The following FREM2 variants were observed in gnomAD, a reference collection of about 807,000 sequenced individuals.
FREM2 encodes the protein FRAS1 related extracellular matrix 2, also known as FRAS1-related extracellular matrix protein 2.
A neutral mutation model predicts 219.9 loss-of-function variants in FREM2; 119 were observed. The observed-to-expected ratio is 0.54, with a 90% CI of 0.47 to 0.63. The LOEUF (loss-of-function observed/expected upper bound fraction) is 0.63. Ranked by LOEUF, FREM2 falls within the 30% of genes least tolerant of loss-of-function variation. The pLI, the probability that FREM2 is intolerant of heterozygous loss-of-function variation, is 0.00. For missense variants in FREM2, 4,030 were observed against 3,993.6 expected (o/e 1.01, Z -0.25); for synonymous variants, 1,562 against 1,522.8 (o/e 1.03, Z -0.60).
intron 3 of FREM2, among the ~76,000 whole-genome samples, chr13:38,765,162 G>A (rs1873386788): frequency 1.3e-5 from 2 of 152,034 alleles, no homozygotes; most frequent in South Asian, 4.2e-4. Context: ...TGCCCACCTC[G>A]GCCTCCCAAA....
intron 6 of FREM2, among the ~76,000 whole-genome samples, chr13:38,792,995 C>G (rs1874625015): frequency 6.6e-6 from 1 of 152,116 alleles, no homozygotes; most frequent in South Asian, 2.1e-4. Flanking sequence ...AAAGAAGAAA[C>G]CTGCCACTTG....
intron 4 of FREM2, among the ~76,000 whole-genome samples, chr13:38,781,341 C>CT (rs797016297): frequency 9.2e-5 from 14 of 151,478 alleles, no homozygotes; most frequent in Admixed American, 3.3e-4. Context: ...CTACCAGAGA[C>CT]TTTTTTTTTC....
At chr13:38,834,637 G>A (rs942967537) in intron 6 of FREM2, among the ~76,000 whole-genome samples, 4 of 152,032 alleles carry the variant, frequency 2.6e-5, no homozygotes, top group Admixed American at 6.6e-5. Context: ...TTTAATGATC[G>A]CCATTCTAAC....
chr13:38,789,109 A>G (rs1566142864), intron 6 of FREM2, among the ~76,000 whole-genome samples: 1 of 151,966 alleles, frequency 6.6e-6, no homozygotes. Context: ...TTTTAGAATC[A>G]AGTTTATAAT....
intron 2 of FREM2, among the ~76,000 whole-genome samples, chr13:38,743,584 G>C (rs2137783572): frequency 1.3e-5 from 2 of 152,264 alleles, no homozygotes; most frequent in South Asian, 4.1e-4. Flanking sequence ...AGGCTATTTA[G>C]CGCAAGTACA....
chr13:38,691,376 T>A lies in FREM2; in HGVS notation c.4032T>A (p.Arg1344=), dbSNP rs1199189491. 6.2e-7 allele frequency: 1 copy of A among 1,613,934 alleles called. No homozygotes were observed. The highest frequency in any genetic ancestry group is 8.5e-7 in the Non-Finnish European group (1 of 1,179,928). Residue 1344 remains arginine, a synonymous_variant, in exon 1 of 24, where the codon CGT becomes CGA. Transcript: ENST00000280481. ...SEDKSLVYII[R]YGPGHGLLQR... ...ACAAATCTTTGGTTTATATTATTCGTTATGGGCCAGGACATGGCTTATTAC... is the reference window on the plus strand; with the variant it reads ...ACAAATCTTTGGTTTATATTATTCGATATGGGCCAGGACATGGCTTATTAC...
At chr13:38,762,390 G>A (rs182686812) in intron 2 of FREM2, among the ~76,000 whole-genome samples, 85 of 152,208 alleles carry the variant, frequency 5.6e-4, no homozygotes, top group Non-Finnish European at 1.0e-3. Context: ...CGCAAAATGT[G>A]GAATGAGTTT....
intron 6 of FREM2, among the ~76,000 whole-genome samples, chr13:38,786,140 A>G (rs906643705): frequency 1.3e-5 from 2 of 152,164 alleles, no homozygotes; most frequent in Admixed American, 1.3e-4. Flanking sequence ...AGTGGTATAG[A>G]AAACCAGAGC....
At chr13:38,820,284 G>C (rs780767916) in intron 6 of FREM2, among the ~76,000 whole-genome samples, 12 of 152,064 alleles carry the variant, frequency 7.9e-5, no homozygotes, top group Non-Finnish European at 1.2e-4. Context: ...ATATTGTCTT[G>C]AGTTTGTTTT....
In FREM2 at chr13:38,864,372, C is replaced by G; in HGVS notation, c.7749C>G (p.Leu2583=). ...TTGGAAACCACAAGTGCTCCAACCT[C>G]CTGGATTATACTGAAGTGAAGACTC... ...TRVGNHKCSN[L]LDYTEVKTHY... The change falls in exon 16 of 24, where the codon CTC becomes CTG. Residue 2583 remains leucine (L), a synonymous_variant. Coordinates refer to ENST00000280481, the MANE Select transcript of FREM2 (RefSeq NM_207361.6). 6.2e-7 allele frequency: 1 copy of G among 1,614,184 alleles called. No individual in the cohort carries two copies. Among genetic ancestry groups the G allele is most frequent in the Non-Finnish European group, 8.5e-7 (1 of 1,180,000 alleles).
At chr13:38,720,239 A>G (rs1871168922) in intron 2 of FREM2, among the ~76,000 whole-genome samples, 1 of 152,182 alleles carries the variant, frequency 6.6e-6, no homozygotes, top group South Asian at 2.1e-4. Flanking sequence ...TTTCTGAATT[A>G]TTAATCGTAT....
chr13:38,715,419 A>G (rs1261999343), intron 2 of FREM2, among the ~76,000 whole-genome samples: 1 of 152,176 alleles, frequency 6.6e-6, no homozygotes, highest in Non-Finnish European at 1.5e-5. Context: ...GGAAGACTTG[A>G]CCAATAATGC....
chr13:38,858,710 G>GTC (rs748340935), intron 13 of FREM2, among the ~76,000 whole-genome samples: 4 of 152,112 alleles, frequency 2.6e-5, no homozygotes, highest in Non-Finnish European at 5.9e-5. Context: ...ATAATTTGGC[G>GTC]TCAAAGTATA....
chr13:38,857,899 G>A lies in FREM2; in HGVS notation c.7081G>A (p.Glu2361Lys). Reference protein sequence around the residue: ...MQLTKAIVYIEEMSSMADVTF... With the variant: ...MQLTKAIVYIKEMSSMADVTF... ...GTTGACGAAAGCCATTGTGTACATA[G>A]AAGAAATGAGCAGCATGGCAGATGT... Residue 2361 changes from glutamate to lysine, a missense_variant, in exon 13 of 24, where the codon GAA (glutamate) becomes AAA (lysine). Glu to Lys is a moderately conservative substitution (Grantham distance 56). This residue lies in a region of FREM2 where 928 missense variants were observed against 1,042.9 expected (regional missense o/e 0.89). Coordinates refer to ENST00000280481, the MANE Select transcript of FREM2 (RefSeq NM_207361.6). The A allele has an allele frequency of 6.2e-7, 1 of 1,613,794 alleles. No individual in the cohort carries two copies. Among genetic ancestry groups the A allele is most frequent in the Non-Finnish European group, 8.5e-7 (1 of 1,179,720 alleles).
intron 3 of FREM2, among the ~76,000 whole-genome samples, chr13:38,766,718 T>C (rs1323201904): frequency 6.6e-6 from 1 of 152,196 alleles, no homozygotes; most frequent in Non-Finnish European, 1.5e-5. Context: ...ATAAACTAGA[T>C]ATGTATTTAT....
chr13:38,720,545 G>A (rs1871183708), intron 2 of FREM2, among the ~76,000 whole-genome samples: 2 of 152,164 alleles, frequency 1.3e-5, no homozygotes, highest in African/African-American at 4.8e-5. Context: ...AAACCTAGCA[G>A]GAATCACACA....
intron 3 of FREM2, among the ~76,000 whole-genome samples, chr13:38,768,306 C>A (rs903203742): frequency 1.3e-5 from 2 of 151,944 alleles, no homozygotes; most frequent in African/African-American, 4.8e-5. Flanking sequence ...ATTTTTGAGG[C>A]AGGCTCTCAC....
chr13:38,754,205 C>T (rs768318038), intron 2 of FREM2, among the ~76,000 whole-genome samples: 3 of 151,994 alleles, frequency 2.0e-5, no homozygotes, highest in South Asian at 2.1e-4. Context: ...TCCTAGCTTG[C>T]GTTAATTTTT....
chr13:38,688,022 G>T lies in FREM2; in HGVS notation c.678G>T (p.Ala226=). The T allele has an allele frequency of 6.2e-7, 1 of 1,611,158 alleles. No homozygotes were observed. The highest frequency in any genetic ancestry group is 8.5e-7 in the Non-Finnish European group (1 of 1,178,120). Residue 226 remains alanine (A), a synonymous_variant, in exon 1 of 24, where the codon GCG becomes GCT. Coordinates refer to ENST00000280481, the MANE Select transcript of FREM2 (RefSeq NM_207361.6). ...TGGGCATCCTGTCCGGCTTGGGCGC[G>T]CTGCCTCGCTATGGAGAACTCCTCC... The part of the protein sequence containing the change: ...CRVGILSGLG[A]LPRYGELLHY...
Sources: gnomAD v4.1 joint callset for allele counts (sites outside exome capture counted in the v4.1 genomes callset) on GRCh38, gnomAD v4.1.1 for gene constraint, gnomAD v4.1.1 regional missense constraint, MANE v1.5 for transcripts, NCBI Gene and HGNC (gene_info 2026-07-23, HGNC 2026-07-21) for gene names.